The following POU2F1 variants were observed in gnomAD, a reference collection of about 807,000 sequenced individuals.
POU2F1 encodes POU domain, class 2, transcription factor 1.
Under a neutral mutation model 84.9 loss-of-function variants are expected in POU2F1, and 16 were observed. The ratio of observed to expected loss-of-function variants is 0.19; its 90% confidence interval spans 0.13 to 0.29. POU2F1 has a LOEUF of 0.29. Among genes scored for constraint, POU2F1 ranks in the 10% least tolerant of loss-of-function variants. The pLI, the probability that POU2F1 is intolerant of heterozygous loss-of-function variation, is 1.00. For missense variants in POU2F1, 738 were observed against 942.6 expected (o/e 0.78, Z 2.84); for synonymous variants, 368 against 368.3 (o/e 1.00, Z 0.01).
intron 14 of POU2F1, 151 bp downstream of exon 14, chr1:167,412,455 A>G (rs1650034004): frequency 4.6e-6 from 3 of 648,284 alleles, no homozygotes; most frequent in South Asian, 2.2e-5. Flanking sequence ...TGATCATACA[A>G]GGACTTTGAT....
chr1:167,330,144 T>TA (rs1387387389), intron 1 of POU2F1, among the ~76,000 whole-genome samples: 2 of 152,186 alleles, frequency 1.3e-5, no homozygotes, highest in African/African-American at 4.8e-5. Context: ...CTTTTTTAGT[T>TA]ACTCTAGTCA....
intron 2 of POU2F1, among the ~76,000 whole-genome samples, chr1:167,333,987 A>G (rs574925554): frequency 7.2e-6 from 1 of 139,328 alleles, no homozygotes; most frequent in South Asian, 2.7e-4. Context: ...AACAGCTTCA[A>G]AGAAGAAACA....
At chr1:167,353,639 G>A (rs112013108) in intron 2 of POU2F1, among the ~76,000 whole-genome samples, 5 of 152,118 alleles carry the variant, frequency 3.3e-5, no homozygotes, top group African/African-American at 1.2e-4. Flanking sequence ...TCACCACCTT[G>A]GCTTCATTAT....
At chr1:167,231,755 A>G (rs530325793) in intron 1 of POU2F1, among the ~76,000 whole-genome samples, 2 of 152,338 alleles carry the variant, frequency 1.3e-5, no homozygotes, top group African/African-American at 4.8e-5. Context: ...CCCCAGGAGC[A>G]TAAGGTGGGG....
intron 2 of POU2F1, among the ~76,000 whole-genome samples, chr1:167,346,936 CA>C (rs2101773490): frequency 6.6e-6 from 1 of 152,290 alleles, no homozygotes; most frequent in African/African-American, 2.4e-5. Context: ...TATGGCAGCT[CA>C]GATGGAAGAA....
chr1:167,411,917 C>T (rs1327134419), intron 13 of POU2F1, 42 bp from the exon 14 acceptor site: 1 of 1,549,718 alleles, frequency 6.5e-7, no homozygotes, highest in South Asian at 1.2e-5. Context: ...TCTTCCAAAA[C>T]CATTTACAAA....
intron 2 of POU2F1, among the ~76,000 whole-genome samples, chr1:167,358,018 G>A (rs757850208): frequency 6.6e-6 from 1 of 151,532 alleles, no homozygotes; most frequent in Non-Finnish European, 1.5e-5. Flanking sequence ...TGGCCAGGAT[G>A]GTCTCGATCT....
Position 167,416,003 on chromosome 1 carries a change from A to C in POU2F1, c.*193A>C, listed in dbSNP as rs1428927184. ...TACCAGAAAAAGAAAGAAAGGATGG[A>C]GACGGAACATTTGCCTAATTTTGTA... is the stretch of plus-strand genomic sequence containing the variant. On this transcript the variant is annotated 3_prime_UTR_variant, in exon 16 of 16. Transcript: ENST00000367866. The C allele has an allele frequency of 1.3e-5, 9 of 687,788 alleles. No homozygotes were observed. The highest frequency in any genetic ancestry group is 2.3e-5 in the Non-Finnish European group (9 of 396,850). 42.6% of individuals were successfully genotyped at this position (687,788 alleles called of 1,614,324 possible). A position where few individuals can be genotyped will look rare whatever the true frequency, so the allele number is the denominator to read the frequency against.
intron 15 of POU2F1, among the ~76,000 whole-genome samples, chr1:167,413,397 T>C (rs919737726): frequency 1.3e-5 from 2 of 152,200 alleles, no homozygotes; most frequent in African/African-American, 4.8e-5. Context: ...ATGCTAATAT[T>C]GATCTTATGT....
chr1:167,320,370 C>A (rs1406133425), intron 1 of POU2F1, among the ~76,000 whole-genome samples: 2 of 152,090 alleles, frequency 1.3e-5, no homozygotes, highest in Non-Finnish European at 2.9e-5. Flanking sequence ...ATTTTCAGCA[C>A]CTTCAATTGG....
chr1:167,326,049 TTAC>T (rs1433968668), intron 1 of POU2F1, among the ~76,000 whole-genome samples: 1 of 152,192 alleles, frequency 6.6e-6, no homozygotes, highest in African/African-American at 2.4e-5. Flanking sequence ...CTTCCATATG[TTAC>T]TACTATTTCC....
Position 167,317,888 on chromosome 1 carries a change from G to A in POU2F1, c.62-14582G>A, listed in dbSNP as rs1656030227. ...TTTGCAAGATGATAAAAGCAAAGGT[G>A]GCTTTATCACAGTGAGCTACTTCTC... On this transcript the variant is annotated intron_variant, in intron 1 of 15. Coordinates refer to ENST00000367866, the MANE Select transcript of POU2F1 (RefSeq NM_002697.4). Among the ~76,000 whole-genome samples the A allele has an allele frequency of 2.6e-5, 4 of 152,300 alleles. 1 individual carries two copies. Among genetic ancestry groups the A allele is most frequent in the Non-Finnish European group, 5.9e-5 (4 of 68,018 alleles).
At chr1:167,383,824 A>G (rs1647749223) in intron 7 of POU2F1, 33 bp from the exon 8 acceptor site, 2 of 1,546,982 alleles carry the variant, frequency 1.3e-6, no homozygotes, top group East Asian at 2.3e-5. Context: ...AGAAATCTTT[A>G]ATGTTTCTGG....
chr1:167,404,751 A>G (rs991671985), intron 13 of POU2F1, among the ~76,000 whole-genome samples: 2 of 152,180 alleles, frequency 1.3e-5, no homozygotes, highest in African/African-American at 4.8e-5. Context: ...AGGCTCCATC[A>G]GAGTGAATAA....
chr1:167,415,599 C>G lies in POU2F1; in HGVS notation c.2090C>G (p.Pro697Arg). 9.3e-6 allele frequency: 15 copies of G among 1,614,200 alleles called. No individual in the cohort carries two copies. Among genetic ancestry groups the G allele is most frequent in the Non-Finnish European group, 1.3e-5 (15 of 1,180,026 alleles). ...GGAGCCCCCAACATCGTGACTGCCC[C>G]TCTGTTCCTGAACCCTCAGAACCTC... Reference protein sequence around the residue: ...AGGAPNIVTAPLFLNPQNLSL... With the variant: ...AGGAPNIVTARLFLNPQNLSL... Residue 697 changes from proline to arginine, a missense_variant, in exon 16 of 16, where the codon CCT (proline) becomes CGT (arginine). Pro to Arg is a moderately radical substitution (Grantham distance 103, BLOSUM62 -2). This residue lies in a region of POU2F1 where 319 missense variants were observed against 386.0 expected (regional missense o/e 0.83). Transcript: ENST00000367866.
At chr1:167,405,163 C>G (rs977862262) in intron 13 of POU2F1, among the ~76,000 whole-genome samples, 2 of 152,146 alleles carry the variant, frequency 1.3e-5, no homozygotes, top group Admixed American at 6.5e-5. Flanking sequence ...CCTTAATAAT[C>G]TCAACCAAAC....
rs530972373 is a variant in POU2F1, at chr1:167,419,694, T to C, written c.*3884T>C. 8 of 152,346 alleles carry C rather than the reference T, an allele frequency of 5.3e-5. No homozygotes were observed. The highest frequency in any genetic ancestry group is 1.9e-4 in the African/African-American group (8 of 41,582). 9.4% of individuals were successfully genotyped at this position (152,346 alleles called of 1,614,324 possible). A position where few individuals can be genotyped will look rare whatever the true frequency, so the allele number is the denominator to read the frequency against. On this transcript the variant is annotated 3_prime_UTR_variant, in exon 16 of 16. Transcript: ENST00000367866. ...ATTTTAGAATTAAGAATTGTGTATA[T>C]CCATTAACTGATATAATTCACATGT...
chr1:167,236,923 G>GATT (rs1480382468), intron 1 of POU2F1, among the ~76,000 whole-genome samples: 1 of 152,190 alleles, frequency 6.6e-6, no homozygotes, highest in Admixed American at 6.5e-5. Context: ...GAAATGGAAA[G>GATT]ATAATAGAGT....
At chr1:167,396,515 C>T (rs1016218078) in intron 10 of POU2F1, 88 bp downstream of exon 10, 7 of 1,376,622 alleles carry the variant, frequency 5.1e-6, no homozygotes, top group Non-Finnish European at 7.0e-6. Flanking sequence ...ATTTCTTACT[C>T]TATTTTTGTT....
Sources: allele counts gnomAD v4.1 joint callset (sites outside exome capture counted in the v4.1 genomes callset), GRCh38; gene constraint gnomAD v4.1.1; regional missense constraint gnomAD v4.1.1; transcripts MANE v1.5; gene names NCBI Gene and HGNC (gene_info 2026-07-23, HGNC 2026-07-21).